Variants in SRPRA observed in about 807,000 individuals in gnomAD.
The protein encoded by SRPRA is signal recognition particle receptor subunit alpha.
In SRPRA, 30 loss-of-function variants were observed where a neutral mutation model predicts 61.1. The ratio of observed to expected loss-of-function variants is 0.49; its 90% confidence interval spans 0.37 to 0.67. The LOEUF is 0.67. SRPRA is among the 30% of genes least tolerant of loss of function. SRPRA has a pLI of 0.00. For missense variants in SRPRA, 759 were observed against 828.4 expected, an observed-to-expected ratio of 0.92 and a Z score of 1.03; for synonymous variants, 324 against 299.7, an observed-to-expected ratio of 1.08 and a Z score of -0.84.
At chr11:126,236,677 C>T in the SRPRA span, among the ~76,000 whole-genome samples, 1 of 151,908 alleles carries the variant, frequency 6.6e-6, no homozygotes, top group African/African-American at 2.4e-5. Flanking sequence ...AATGTTTTTT[C>T]TATTCCACAT....
rs1188089072 is a variant in SRPRA at position 126,264,708 on chromosome 11, CAT to C, written c.1526-171_1526-170del. 7 of 856,718 alleles carry C rather than the reference CAT, an allele frequency of 8.2e-6. No individual in the cohort carries two copies. The African/African-American group carries it at 1.0e-4, about 13-fold the overall frequency. 53.1% of individuals were successfully genotyped at this position (856,718 alleles called of 1,614,324 possible). A position where few individuals can be genotyped will look rare whatever the true frequency, so the allele number is the denominator to read the frequency against. ...GATTATATGCTTGGCCATCACCAAA[CAT>C]ATTCAGGAAAAGGAGGACAACAGGA... On this transcript the variant is annotated intron_variant, in intron 11 of 13. Transcript: ENST00000332118. This position sits in a 1 kb window ranked among gnomAD's most constrained non-coding sequence, Gnocchi z 5.0.
At position 126,265,665 on chromosome 11, in the gene SRPRA, A is replaced by G. The variant is rs1001035306; in HGVS notation, c.1138+72T>C. 2.5e-5 allele frequency: 39 copies of G among 1,541,032 alleles called. No homozygotes were observed. Among genetic ancestry groups the G allele is most frequent in the Admixed American group, 1.9e-4 (11 of 58,392 alleles). Reference sequence around the variant, plus strand: ...GGTTAAGGAATTTGCCGAAAGTCACATACCTAGTAAGAACTGAGGTCTATG... The same window carrying G: ...GGTTAAGGAATTTGCCGAAAGTCACGTACCTAGTAAGAACTGAGGTCTATG... On this transcript the variant is annotated intron_variant, in intron 9 of 13. Transcript: ENST00000332118. The surrounding 1 kb of genome is among the most constrained non-coding windows in gnomAD (Gnocchi z 6.3).
chr11:126,265,497 A>C lies in SRPRA; in HGVS notation c.1139-57T>G. ...TGAAACTCAAGGAATGCTCTCAAAA[A>C]TGCCTAACACCTTTCTGAGCTAAGG... On this transcript the variant is annotated intron_variant, in intron 9 of 13. Transcript: ENST00000332118. The surrounding 1 kb of genome is among the most constrained non-coding windows in gnomAD (Gnocchi z 6.3). 6.4e-7 allele frequency: 1 copy of C among 1,569,828 alleles called. No individual in the cohort carries two copies. Among genetic ancestry groups the C allele is most frequent in the Admixed American group, 1.8e-5 (1 of 56,796 alleles).
rs1950816699 is a variant in SRPRA, at chr11:126,266,763, T to C, written c.686A>G (p.Asn229Ser). 1 of 1,614,020 alleles carries C rather than the reference T, an allele frequency of 6.2e-7. No homozygotes were observed. The highest frequency in any genetic ancestry group is 8.5e-7 in the Non-Finnish European group (1 of 1,179,948). Reference protein sequence around the residue: ...QKHGRGMEKSNKSTKSDAPKE... With the variant: ...QKHGRGMEKSSKSTKSDAPKE... The stretch of plus-strand genomic sequence containing the variant: ...AGAGTACTGGAGAAAGAGTGCTCAC[T>C]TGGACTTCTCCATACCCCTCCCATG... The change falls in exon 5 of 14, where the codon AAC becomes AGC. Residue 229 changes from asparagine to serine, a missense_variant and splice_region_variant. Transcript: ENST00000332118.
At position 126,263,568 on chromosome 11, in the gene SRPRA, G is replaced by A. The variant is rs1950746867; in HGVS notation, c.*348C>T. On this transcript the variant is annotated 3_prime_UTR_variant, in exon 14 of 14. Coordinates refer to ENST00000332118, the MANE Select transcript of SRPRA (RefSeq NM_003139.4). The stretch of plus-strand genomic sequence containing the variant: ...CAGCTGGGACTCATTAGGCTCAGAC[G>A]GCTCTTGACCACACTAATTATTAGC... The A allele has an allele frequency of 1.9e-5, 4 of 211,688 alleles. 1 individual carries two copies. Among genetic ancestry groups the A allele is most frequent in the South Asian group, 1.6e-4 (2 of 12,190 alleles). 13.1% of individuals were successfully genotyped at this position (211,688 alleles called of 1,614,324 possible). A position where few individuals can be genotyped will look rare whatever the true frequency, so the allele number is the denominator to read the frequency against.
At chr11:126,242,226 C>T in the SRPRA span, among the ~76,000 whole-genome samples, 1 of 151,772 alleles carries the variant, frequency 6.6e-6, no homozygotes, top group Non-Finnish European at 1.5e-5. Context: ...ATGCAAAAAA[C>T]TAAAGTAAAA....
At chr11:126,241,146 G>T in the SRPRA span, 1 of 1,233,030 alleles carries the variant, frequency 8.1e-7, no homozygotes, top group South Asian at 1.5e-5. Flanking sequence ...AAATGTAACA[G>T]GGATATTCAT....
chr11:126,254,486 C>T, the SRPRA span: 1 of 1,603,884 alleles, frequency 6.2e-7, no homozygotes, highest in Middle Eastern at 1.7e-4. Context: ...GGAAATCTCT[C>T]TAAATATGCC....
the SRPRA span, among the ~76,000 whole-genome samples, chr11:126,243,191 C>A: frequency 6.6e-6 from 1 of 152,162 alleles, no homozygotes; most frequent in African/African-American, 2.4e-5. Context: ...CTTGACAGGG[C>A]TAGAGGAAAT....
At chr11:126,259,060 A>G (rs1315750739), downstream of SRPRA, among the ~76,000 whole-genome samples, 1 of 152,202 alleles carries the variant, frequency 6.6e-6, no homozygotes, top group Non-Finnish European at 1.5e-5. Context: ...CAGTATGGCC[A>G]GAGTGCTTTA....
chr11:126,257,199 TG>T, the SRPRA span, among the ~76,000 whole-genome samples: 1 of 152,212 alleles, frequency 6.6e-6, no homozygotes, highest in East Asian at 1.9e-4. Flanking sequence ...AATTTATTCA[TG>T]GAGTATTTGT....
At chr11:126,250,092 ATT>A in the SRPRA span, among the ~76,000 whole-genome samples, 234 of 131,798 alleles carry the variant, frequency 1.8e-3, no homozygotes, top group Admixed American at 2.1e-3. The surrounding 1 kb of genome is among the most constrained non-coding windows in gnomAD (Gnocchi z 5.1). Flanking sequence ...TATCCCCGGG[ATT>A]TTTTTTTTTT....
intron 1 of SRPRA, among the ~76,000 whole-genome samples, chr11:126,268,485 T>G (rs1950868154): frequency 6.6e-6 from 1 of 150,882 alleles, no homozygotes; most frequent in Non-Finnish European, 1.5e-5. Context: ...CGGCTAGAGT[T>G]GAGACACCAG....
At chr11:126,243,761 G>C in the SRPRA span, among the ~76,000 whole-genome samples, 1 of 151,926 alleles carries the variant, frequency 6.6e-6, no homozygotes, top group African/African-American at 2.4e-5. Flanking sequence ...AAAATTAGCT[G>C]GGCATGGTAG....
the SRPRA span, chr11:126,250,511 C>T: frequency 6.2e-7 from 1 of 1,611,402 alleles, no homozygotes; most frequent in Admixed American, 1.7e-5. This position sits in a 1 kb window ranked among gnomAD's most constrained non-coding sequence, Gnocchi z 5.1. Context: ...CTCAGCGTAC[C>T]AGTAATGTTC....
chr11:126,266,560 G>A lies in SRPRA; in HGVS notation c.756C>T (p.Gly252=), dbSNP rs541334880. 1.2e-6 allele frequency: 2 copies of A among 1,614,192 alleles called. No homozygotes were observed. Among genetic ancestry groups the A allele is most frequent in the South Asian group, 2.2e-5 (2 of 91,086 alleles). The part of the protein sequence containing the change: ...KKAPRVWELG[G]CANKEVLDYS... ...AATCCAACACTTCTTTGTTAGCACA[G>A]CCACCCAGTTCCCACACCCGGGGTG... Residue 252 remains glycine, a synonymous_variant, in exon 6 of 14, where the codon GGC becomes GGT. Coordinates refer to ENST00000332118, the MANE Select transcript of SRPRA (RefSeq NM_003139.4).
At chr11:126,261,374 AAT>A, downstream of SRPRA, 1 of 1,499,358 alleles carries the variant, frequency 6.7e-7, no homozygotes, top group Non-Finnish European at 9.3e-7. Context: ...TTTTGCTATT[AAT>A]AGTTTTAGCT....
Position 126,264,624 on chromosome 11 carries a change from A to T in SRPRA, c.1526-85T>A. ...CTTCCTCTCAAAAAGTCCTAGTTTG[A>T]CTACCTGTTCACTGTCTTGGGCTCT... On this transcript the variant is annotated intron_variant, in intron 11 of 13. Coordinates refer to ENST00000332118, the MANE Select transcript of SRPRA (RefSeq NM_003139.4). This position sits in a 1 kb window ranked among gnomAD's most constrained non-coding sequence, Gnocchi z 5.0. The T allele has an allele frequency of 6.7e-7, 1 of 1,500,206 alleles. No homozygotes were observed. The highest frequency in any genetic ancestry group is 2.3e-5 in the East Asian group (1 of 43,688). The allele number at this position is 1,500,206 out of a possible 1,614,324, so 92.9% of individuals were successfully genotyped here.
chr11:126,255,371 CA>C, the SRPRA span, among the ~76,000 whole-genome samples: 3 of 152,248 alleles, frequency 2.0e-5, no homozygotes, highest in African/African-American at 7.2e-5. The surrounding 1 kb of genome is among the most constrained non-coding windows in gnomAD (Gnocchi z 4.6). Context: ...GTCTAAAGCA[CA>C]AGGGACTTTT....
Sources: gnomAD v4.1 joint callset for allele counts (sites outside exome capture counted in the v4.1 genomes callset) on GRCh38, gnomAD v4.1.1 for gene constraint, Gnocchi (gnomAD v3.1) non-coding constraint, MANE v1.5 for transcripts, NCBI Gene and HGNC (gene_info 2026-07-23, HGNC 2026-07-21) for gene names.